The following FRMD5 variants were observed in gnomAD, a reference collection of about 807,000 sequenced individuals.
FRMD5 encodes FERM domain-containing protein 5.
A neutral mutation model predicts 69.0 loss-of-function variants in FRMD5; 20 were observed. The ratio of observed to expected loss-of-function variants is 0.29; its 90% confidence interval spans 0.20 to 0.42. The LOEUF is 0.42. FRMD5 is among the 10% of genes least tolerant of loss of function. FRMD5 has a pLI of 1.00. For synonymous variants in FRMD5, 271 were observed against 260.1 expected, an observed-to-expected ratio of 1.04 and a Z score of -0.40; for missense variants, 595 against 708.6, an observed-to-expected ratio of 0.84 and a Z score of 1.82.
intron 1 of FRMD5, among the ~76,000 whole-genome samples, chr15:43,974,857 C>T (rs2090440120): frequency 6.6e-6 from 1 of 152,160 alleles, no homozygotes; most frequent in African/African-American, 2.4e-5. Flanking sequence ...ACATGCAGAT[C>T]CTTTTAATTG....
At chr15:44,177,999 C>A (rs1188090652) in intron 1 of FRMD5, among the ~76,000 whole-genome samples, 1 of 152,126 alleles carries the variant, frequency 6.6e-6, no homozygotes, top group African/African-American at 2.4e-5. Flanking sequence ...TAATTTTAAT[C>A]TATGTAAATT....
chr15:44,136,725 A>G (rs2140434122), intron 1 of FRMD5, among the ~76,000 whole-genome samples: 1 of 152,304 alleles, frequency 6.6e-6, no homozygotes, highest in African/African-American at 2.4e-5. Context: ...ATGCCATTAT[A>G]TTTCAGTTTT....
chr15:44,119,531 G>C (rs1398317076), intron 1 of FRMD5, among the ~76,000 whole-genome samples: 1 of 151,828 alleles, frequency 6.6e-6, no homozygotes, highest in Non-Finnish European at 1.5e-5. Context: ...CTGGCCTTTT[G>C]GAATAAAATA....
chr15:43,946,966 C>T (rs2089957493), intron 1 of FRMD5, among the ~76,000 whole-genome samples: 1 of 152,218 alleles, frequency 6.6e-6, no homozygotes, highest in East Asian at 1.9e-4. Context: ...TAGCATTAAA[C>T]TACTTCTCTC....
intron 1 of FRMD5, among the ~76,000 whole-genome samples, chr15:44,124,256 G>C (rs1308837741): frequency 6.6e-6 from 1 of 151,810 alleles, no homozygotes; most frequent in African/African-American, 2.4e-5. Context: ...GCCTCCCAAA[G>C]TGCTGGGATT....
intron 1 of FRMD5, among the ~76,000 whole-genome samples, chr15:43,933,698 C>T (rs1281788614): frequency 2.6e-5 from 4 of 152,192 alleles, no homozygotes; most frequent in Non-Finnish European, 2.9e-5. Flanking sequence ...TTAAATATTA[C>T]AGAGAAACAC....
intron 1 of FRMD5, among the ~76,000 whole-genome samples, chr15:44,017,861 A>G (rs868482626): frequency 6.6e-6 from 1 of 151,948 alleles, no homozygotes; most frequent in South Asian, 2.1e-4. Flanking sequence ...CGCCCGCCTC[A>G]TCCTCCCAAA....
chr15:43,937,970 G>A (rs1199504650), intron 1 of FRMD5, among the ~76,000 whole-genome samples: 1 of 151,958 alleles, frequency 6.6e-6, no homozygotes, highest in African/African-American at 2.4e-5. Context: ...CATTTCTTAA[G>A]AGCCTACCAT....
chr15:43,935,291 C>T (rs575239646), intron 1 of FRMD5, among the ~76,000 whole-genome samples: 1 of 152,064 alleles, frequency 6.6e-6, no homozygotes, highest in Non-Finnish European at 1.5e-5. Context: ...ACTAGCCTGG[C>T]CAAAATGGTG....
rs969519315 is a variant in FRMD5, at chr15:44,195,010, G to A, written c.45C>T (p.Arg15=). Residue 15 remains arginine, a synonymous_variant, in exon 1 of 14, where the codon CGC becomes CGT. Transcript: ENST00000417257. ...GCAGCCGCACGGTGCAGCTGTACTC[G>A]CGCTCCAGGCTCCTGCTGCTGCCGC... ...LMSGSSRSLE[R]EYSCTVRLLD... is the part of the protein sequence containing the mutation. The A allele has an allele frequency of 2.6e-6, 4 of 1,560,128 alleles. No homozygotes were observed. In the African/African-American group the frequency reaches 4.2e-5, roughly 16 times the overall value.
chr15:44,081,280 T>A (rs1893986837), intron 1 of FRMD5, among the ~76,000 whole-genome samples: 1 of 152,146 alleles, frequency 6.6e-6, no homozygotes. Context: ...TTTGAACAGC[T>A]TGTTCTGGAT....
At chr15:44,168,910 T>C (rs1371411234) in intron 1 of FRMD5, among the ~76,000 whole-genome samples, 1 of 152,200 alleles carries the variant, frequency 6.6e-6, no homozygotes, top group Non-Finnish European at 1.5e-5. Flanking sequence ...CTCCTTTACT[T>C]CAAATGTTTC....
At chr15:43,892,229 C>T (rs935817014) in intron 7 of FRMD5, among the ~76,000 whole-genome samples, 160 bp from the exon 8 acceptor site, 8 of 152,194 alleles carry the variant, frequency 5.3e-5, no homozygotes, top group African/African-American at 1.9e-4. Flanking sequence ...TGAGTCTCAG[C>T]CTTGCCACTT....
intron 1 of FRMD5, among the ~76,000 whole-genome samples, chr15:43,963,292 AAAC>A (rs2090235062): frequency 6.6e-6 from 1 of 152,248 alleles, no homozygotes; most frequent in Admixed American, 6.5e-5. Flanking sequence ...TGCAGCTAAA[AAAC>A]ACATGAAAAA....
At chr15:43,999,965 T>TAC (rs1890125774) in intron 1 of FRMD5, among the ~76,000 whole-genome samples, 1 of 75,424 alleles carries the variant, frequency 1.3e-5, no homozygotes, top group African/African-American at 5.7e-5. Flanking sequence ...TATATATATA[T>TAC]ATATATATAT....
intron 1 of FRMD5, among the ~76,000 whole-genome samples, chr15:44,178,554 A>G (rs915065000): frequency 1.3e-5 from 2 of 152,208 alleles, no homozygotes; most frequent in East Asian, 3.9e-4. Context: ...GGACCATGGC[A>G]GAATTCCCCT....
chr15:44,063,306 T>C (rs1406601795), intron 1 of FRMD5, among the ~76,000 whole-genome samples: 1 of 152,362 alleles, frequency 6.6e-6, no homozygotes, highest in East Asian at 1.9e-4. Context: ...TGGTTGTTTA[T>C]GTCTCTCAAG....
chr15:43,899,540 G>C (rs1466752731), intron 7 of FRMD5, among the ~76,000 whole-genome samples: 1 of 152,174 alleles, frequency 6.6e-6, no homozygotes, highest in Non-Finnish European at 1.5e-5. Context: ...AAAACAGGGA[G>C]AATAACATCT....
At position 43,874,358 on chromosome 15, in the gene FRMD5, C is replaced by G. The variant is rs777175963; in HGVS notation, c.1240G>C (p.Glu414Gln). The change falls in exon 14 of 14, where the codon GAG becomes CAG. Residue 414 changes from glutamate (E) to glutamine (Q), a missense_variant. Transcript: ENST00000417257. ...HVRSSRTDSN[E>Q]RVAVIADEAY... ...TCGTCTGCAATCACAGCTACTCGCT[C>G]ATTGCTATCTGTCCGGCTGCTTCTC... 6.2e-7 allele frequency: 1 copy of G among 1,614,218 alleles called. No homozygotes were observed. The highest frequency in any genetic ancestry group is 8.5e-7 in the Non-Finnish European group (1 of 1,180,042).
Sources: allele counts gnomAD v4.1 joint callset (sites outside exome capture counted in the v4.1 genomes callset), GRCh38; gene constraint gnomAD v4.1.1; transcripts MANE v1.5; gene names NCBI Gene and HGNC (gene_info 2026-07-23, HGNC 2026-07-21).